RNLS: variants seen among roughly 807,000 people sequenced by gnomAD.
The protein encoded by RNLS is renalase, FAD dependent amine oxidase, also known as renalase.
In RNLS, 39 loss-of-function variants were observed where a neutral mutation model predicts 39.8. The ratio of observed to expected loss-of-function variants is 0.98; its 90% confidence interval spans 0.76 to 1.28. The LOEUF (loss-of-function observed/expected upper bound fraction) is 1.28, where lower values mean the gene tolerates loss of function less well. Among genes scored for constraint, RNLS ranks in the 50% most tolerant of loss-of-function variants. The pLI is 0.00. For missense variants in RNLS, 410 were observed against 413.3 expected (o/e 0.99, Z 0.07); for synonymous variants, 147 against 150.7 (o/e 0.98, Z 0.18).
At chr10:88,371,135 T>A (rs894607706) in intron 4 of RNLS, among the ~76,000 whole-genome samples, 2 of 152,092 alleles carry the variant, frequency 1.3e-5, no homozygotes, top group African/African-American at 4.8e-5. Flanking sequence ...AAGCATCTGT[T>A]TTCCTGTAAA....
chr10:88,374,934 C>G lies in RNLS; in HGVS notation c.527-12209G>C, dbSNP rs193078240. 2.0e-5 allele frequency among the ~76,000 whole-genome samples: 3 copies of G among 152,236 alleles called. No individual in the cohort carries two copies. In the East Asian group the frequency reaches 5.8e-4, roughly 29 times the overall value. Reference sequence around the variant, plus strand: ...GTTTACTCTTGCTACCTCCTACTCCCTACTATAACCACAAATGACCTCCTC... The same window carrying G: ...GTTTACTCTTGCTACCTCCTACTCCGTACTATAACCACAAATGACCTCCTC... On this transcript the variant is annotated intron_variant, in intron 4 of 6. Coordinates refer to ENST00000331772, the MANE Select transcript of RNLS (RefSeq NM_001031709.3).
intron 4 of RNLS, among the ~76,000 whole-genome samples, chr10:88,371,615 A>G (rs117722027): frequency 1.3e-5 from 2 of 152,276 alleles, no homozygotes; most frequent in Non-Finnish European, 2.9e-5. Context: ...CAAATTTTGG[A>G]TCATTACTCT....
In RNLS at chr10:88,582,263, T is replaced by G. The variant is rs968987726; in HGVS notation, c.163A>C (p.Thr55Pro). ...TACSPHNPQCTADLGAQYITC... is the reference protein window; with the variant it reads ...TACSPHNPQCPADLGAQYITC... ...ATGTACTGAGCACCCAAGTCAGCTG[T>G]GCACTGAGGATTATGAGGACTGCAG... Residue 55 changes from threonine to proline, a missense_variant, in exon 2 of 7, where the codon ACA becomes CCA. By Grantham distance (38) the Thr-to-Pro change is conservative. Transcript: ENST00000331772. The G allele has an allele frequency of 1.9e-6, 3 of 1,614,012 alleles. No individual in the cohort carries two copies. In the African/African-American group the frequency reaches 4.0e-5, roughly 22 times the overall value.
chr10:88,229,390 A>C, the RNLS span, among the ~76,000 whole-genome samples: 1 of 152,226 alleles, frequency 6.6e-6, no homozygotes, highest in Non-Finnish European at 1.5e-5. Context: ...GGCTATATTC[A>C]GCCTCCAGAG....
At chr10:88,434,710 G>C (rs977103531) in intron 4 of RNLS, among the ~76,000 whole-genome samples, 10 of 152,076 alleles carry the variant, frequency 6.6e-5, no homozygotes, top group African/African-American at 1.9e-4. Flanking sequence ...TGTGCACACA[G>C]GCTCTAGCAT....
At position 88,582,251 on chromosome 10, in the gene RNLS, C is replaced by T; in HGVS notation, c.175G>A (p.Gly59Ser). ...PHNPQCTADLGAQYITCTPHY... is the reference protein window; with the variant it reads ...PHNPQCTADLSAQYITCTPHY... ...GGAGTGCAGGTGATGTACTGAGCACCCAAGTCAGCTGTGCACTGAGGATTA... is the reference window on the plus strand; with the variant it reads ...GGAGTGCAGGTGATGTACTGAGCACTCAAGTCAGCTGTGCACTGAGGATTA... The change falls in exon 2 of 7, where the codon GGT becomes AGT. Residue 59 changes from glycine to serine, a missense_variant. Coordinates refer to ENST00000331772, the MANE Select transcript of RNLS (RefSeq NM_001031709.3). 4.3e-6 allele frequency: 7 copies of T among 1,614,070 alleles called. No individual in the cohort carries two copies. The highest frequency in any genetic ancestry group is 5.9e-6 in the Non-Finnish European group (7 of 1,179,998).
chr10:88,543,446 T>C (rs1848147103), intron 4 of RNLS, among the ~76,000 whole-genome samples: 1 of 152,208 alleles, frequency 6.6e-6, no homozygotes, highest in Non-Finnish European at 1.5e-5. Flanking sequence ...TTCAGTAACT[T>C]CTTAACTGCT....
At chr10:88,575,860 T>C (rs753083497) in intron 3 of RNLS, among the ~76,000 whole-genome samples, 24 of 152,168 alleles carry the variant, frequency 1.6e-4, no homozygotes, top group Non-Finnish European at 3.2e-4. Flanking sequence ...TGGCCCTGCC[T>C]TAGTCTTGAG....
the RNLS span, among the ~76,000 whole-genome samples, chr10:88,256,390 G>A: frequency 1.3e-5 from 2 of 152,238 alleles, no homozygotes; most frequent in East Asian, 3.8e-4. Context: ...GCTGACAGAT[G>A]TTTAAAATCA....
chr10:88,322,102 GA>G (rs1461134779), intron 5 of RNLS, among the ~76,000 whole-genome samples: 1 of 152,176 alleles, frequency 6.6e-6, no homozygotes, highest in African/African-American at 2.4e-5. Context: ...ATTTCATCGT[GA>G]TCAAGTGGGT....
the RNLS span, among the ~76,000 whole-genome samples, chr10:88,241,545 A>C: frequency 6.6e-6 from 1 of 152,202 alleles, no homozygotes; most frequent in Non-Finnish European, 1.5e-5. Context: ...AAAATCAGTC[A>C]TGCCAGGAGT....
At chr10:88,198,799 A>C in the RNLS span, among the ~76,000 whole-genome samples, 1 of 152,166 alleles carries the variant, frequency 6.6e-6, no homozygotes, top group East Asian at 1.9e-4. Context: ...CTGTGAGCCA[A>C]TTAAACCTCT....
intron 6 of RNLS, among the ~76,000 whole-genome samples, chr10:88,276,572 A>C (rs971089929): frequency 6.6e-6 from 1 of 152,164 alleles, no homozygotes; most frequent in Non-Finnish European, 1.5e-5. Context: ...GTATTGATTC[A>C]GTTATCACAT....
At chr10:88,511,739 T>C (rs1846134405) in intron 4 of RNLS, among the ~76,000 whole-genome samples, 1 of 152,186 alleles carries the variant, frequency 6.6e-6, no homozygotes, top group African/African-American at 2.4e-5. Flanking sequence ...GATCGTGATC[T>C]ACACTCAAAT....
At chr10:88,581,758 G>C (rs954533195) in intron 2 of RNLS, 49 bp from the exon 3 acceptor site, 2 of 1,215,068 alleles carry the variant, frequency 1.6e-6, no homozygotes, top group Non-Finnish European at 2.2e-6. Flanking sequence ...ACCATGAATA[G>C]CTCTAAAAGA....
intron 4 of RNLS, among the ~76,000 whole-genome samples, chr10:88,453,484 C>T (rs1167272647): frequency 6.6e-6 from 1 of 152,314 alleles, no homozygotes; most frequent in East Asian, 1.9e-4. Context: ...GATTGAATGG[C>T]AGTTCAAGCT....
chr10:88,427,871 G>A (rs1302225374), intron 4 of RNLS, among the ~76,000 whole-genome samples: 4 of 151,918 alleles, frequency 2.6e-5, no homozygotes, highest in Non-Finnish European at 4.4e-5. Flanking sequence ...CTGAACTACA[G>A]CATGGTTAAG....
intron 5 of RNLS, among the ~76,000 whole-genome samples, chr10:88,326,252 G>A (rs1846600991): frequency 6.6e-6 from 1 of 152,196 alleles, no homozygotes; most frequent in East Asian, 1.9e-4. Context: ...AAGAAGACAG[G>A]AAGATGTGGG....
At chr10:88,570,818 A>G (rs1372738140) in intron 4 of RNLS, among the ~76,000 whole-genome samples, 3 of 152,158 alleles carry the variant, frequency 2.0e-5, no homozygotes, top group Non-Finnish European at 4.4e-5. Context: ...AAAACAGGGC[A>G]CTTCAGTCAG....
Sources: allele counts gnomAD v4.1 joint callset (sites outside exome capture counted in the v4.1 genomes callset), GRCh38; gene constraint gnomAD v4.1.1; transcripts MANE v1.5; gene names NCBI Gene and HGNC (gene_info 2026-07-23, HGNC 2026-07-21).